The following CACNA1C variants were observed in gnomAD, a reference collection of about 807,000 sequenced individuals.
The protein encoded by CACNA1C is voltage-dependent L-type calcium channel subunit alpha-1C.
Under a neutral mutation model 229.0 loss-of-function variants are expected in CACNA1C, and 30 were observed. The observed-to-expected ratio is 0.13, with a 90% CI of 0.10 to 0.18. CACNA1C has a LOEUF of 0.18. CACNA1C is among the 10% of genes least tolerant of loss of function. The pLI, the probability that CACNA1C is intolerant of heterozygous loss-of-function variation, is 1.00. For synonymous variants in CACNA1C, 1,114 were observed against 1,132.5 expected (o/e 0.98, Z 0.33); for missense variants, 1,658 against 2,845.0 (o/e 0.58, Z 9.49).
chr12:2,566,672 A>T lies in CACNA1C; in HGVS notation c.1669+90A>T. ...GGGCATAACCACAGGCAGAAGGTGG[A>T]GGGGAAAGCAGCCAATGGTCGGGGC... On this transcript the variant is annotated intron_variant, in intron 12 of 46. Coordinates refer to ENST00000399655, the MANE Select transcript of CACNA1C (RefSeq NM_000719.7). The surrounding 1 kb of genome is among the most constrained non-coding windows in gnomAD (Gnocchi z 4.0). The T allele has an allele frequency of 8.9e-7, 1 of 1,128,442 alleles. No individual in the cohort carries two copies. The highest frequency in any genetic ancestry group is 1.3e-6 in the Non-Finnish European group (1 of 797,678). The allele number at this position is 1,128,442 out of a possible 1,614,324, so 69.9% of individuals were successfully genotyped here. A position where few individuals can be genotyped will look rare whatever the true frequency, so the allele number is the denominator to read the frequency against.
At chr12:1,984,677 G>A (rs1311694645) in intron 1 of CACNA1C, among the ~76,000 whole-genome samples, 2 of 140,376 alleles carry the variant, frequency 1.4e-5, no homozygotes, top group African/African-American at 5.3e-5. Context: ...TACTATTTCT[G>A]TTGTTCCTAC....
At chr12:2,031,133 AC>A (rs2048147395) in intron 1 of CACNA1C, among the ~76,000 whole-genome samples, 1 of 152,128 alleles carries the variant, frequency 6.6e-6, no homozygotes, top group Non-Finnish European at 1.5e-5. Flanking sequence ...TAGTAAAGGC[AC>A]CCAGAGACTT....
At chr12:2,218,889 G>A (rs2154347347) in intron 3 of CACNA1C, among the ~76,000 whole-genome samples, 1 of 152,232 alleles carries the variant, frequency 6.6e-6, no homozygotes, top group African/African-American at 2.4e-5. Context: ...CAGCCTGAGT[G>A]TCACTGTATG....
rs1060504924 is a variant in CACNA1C at position 2,115,408 on chromosome 12, C to T, written c.234C>T (p.Ser78=). The part of the protein sequence containing the change: ...AGNATISTVS[S]TQRKRQQYGK... ...ATGCGACCATCTCCACAGTCAGCTC[C>T]ACGCAGCGGAAGCGGCAGCAATATG... Residue 78 remains serine (S), a synonymous_variant, in exon 2 of 47, where the codon TCC becomes TCT. Coordinates refer to ENST00000399655, the MANE Select transcript of CACNA1C (RefSeq NM_000719.7). The T allele has an allele frequency of 1.9e-6, 3 of 1,612,310 alleles. No homozygotes were observed. Among genetic ancestry groups the T allele is most frequent in the Non-Finnish European group, 2.5e-6 (3 of 1,179,728 alleles).
intron 1 of CACNA1C, among the ~76,000 whole-genome samples, chr12:2,075,666 G>A (rs1286459887): frequency 6.6e-6 from 1 of 152,224 alleles, no homozygotes; most frequent in Non-Finnish European, 1.5e-5. Context: ...ACAAGCCTGT[G>A]GATACTGCCC....
chr12:2,310,927 G>A (rs1182863419), intron 3 of CACNA1C, among the ~76,000 whole-genome samples: 1 of 152,196 alleles, frequency 6.6e-6, no homozygotes, highest in Non-Finnish European at 1.5e-5. Flanking sequence ...CCTACGTTCA[G>A]CAGAACCCAG....
intron 3 of CACNA1C, among the ~76,000 whole-genome samples, chr12:2,364,743 C>G (rs2097678180): frequency 6.6e-6 from 1 of 152,086 alleles, no homozygotes; most frequent in African/African-American, 2.4e-5. Context: ...AAAGACCAGT[C>G]ATTTCGGGGC....
chr12:2,422,339 G>GTT (rs2098987640), intron 3 of CACNA1C, among the ~76,000 whole-genome samples: 1 of 152,178 alleles, frequency 6.6e-6, no homozygotes, highest in Non-Finnish European at 1.5e-5. Context: ...ACGGAGGGCA[G>GTT]AATCATTTCT....
chr12:2,543,074 T>C (rs2099875339), intron 9 of CACNA1C, among the ~76,000 whole-genome samples: 1 of 152,216 alleles, frequency 6.6e-6, no homozygotes, highest in African/African-American at 2.4e-5. Flanking sequence ...CCTCATTTTC[T>C]TGTGGAGTCT....
At chr12:2,615,697 A>C (rs1356375301) in intron 29 of CACNA1C, among the ~76,000 whole-genome samples, 1 of 152,190 alleles carries the variant, frequency 6.6e-6, no homozygotes, top group African/African-American at 2.4e-5. Flanking sequence ...AATGCACAGG[A>C]GCCTGGCGCG....
chr12:2,242,342 A>G (rs1272692943), intron 3 of CACNA1C, among the ~76,000 whole-genome samples: 1 of 152,200 alleles, frequency 6.6e-6, no homozygotes, highest in Non-Finnish European at 1.5e-5. Context: ...AATGAAAACT[A>G]GCTACTGACA....
At chr12:2,442,386 G>T (rs570190531) in intron 3 of CACNA1C, among the ~76,000 whole-genome samples, 1 of 152,192 alleles carries the variant, frequency 6.6e-6, no homozygotes, top group Non-Finnish European at 1.5e-5. Flanking sequence ...TCTAAGAAAT[G>T]AACAGGGAGA....
At chr12:2,277,856 C>T (rs1192264867) in intron 3 of CACNA1C, among the ~76,000 whole-genome samples, 1 of 152,212 alleles carries the variant, frequency 6.6e-6, no homozygotes, top group Non-Finnish European at 1.5e-5. Flanking sequence ...GGACCTGATT[C>T]TGTTACACTC....
At chr12:2,164,151 T>C (rs963367846) in intron 3 of CACNA1C, among the ~76,000 whole-genome samples, 1 of 152,204 alleles carries the variant, frequency 6.6e-6, no homozygotes, top group Admixed American at 6.5e-5. Context: ...TTGTTTGTCA[T>C]CCATGTTGGG....
intron 30 of CACNA1C, among the ~76,000 whole-genome samples, chr12:2,642,018 G>T (rs968752234): frequency 2.0e-5 from 3 of 152,116 alleles, no homozygotes; most frequent in Non-Finnish European, 2.9e-5. Flanking sequence ...GGGTTGAGGG[G>T]GTGCAGACAG....
Position 2,585,749 on chromosome 12 carries a change from A to G in CACNA1C, c.2461-86A>G, listed in dbSNP as rs920184191. On this transcript the variant is annotated intron_variant, in intron 17 of 46. Transcript: ENST00000399655. This position sits in a 1 kb window ranked among gnomAD's most constrained non-coding sequence, Gnocchi z 4.1. ...CTATTTTTGAGCTAAGTCACTGACT[A>G]AAATGCAACTTCAAGGCTACTGCAA... The G allele has an allele frequency of 1.8e-5, 19 of 1,068,206 alleles. No individual in the cohort carries two copies. In the Admixed American group the frequency reaches 2.2e-4, roughly 12 times the overall value. The allele number at this position is 1,068,206 out of a possible 1,614,324, so 66.2% of individuals were successfully genotyped here. A position where few individuals can be genotyped will look rare whatever the true frequency, so the allele number is the denominator to read the frequency against.
chr12:2,003,702 A>T (rs2042705647), intron 1 of CACNA1C, among the ~76,000 whole-genome samples: 1 of 152,226 alleles, frequency 6.6e-6, no homozygotes, highest in Non-Finnish European at 1.5e-5. Context: ...TCTTCCCAAG[A>T]GCATCAGCTT....
At position 1,984,778 on chromosome 12, in the gene CACNA1C, TAA is replaced by T. The variant is rs764705302; in HGVS notation, c.139+13599_139+13600del. ...ATTTATTCTACAGTGGGTCTTCTGG[TAA>T]AAAAAAAAAAAAAAAAAAAAAGGTT... On this transcript the variant is annotated intron_variant, in intron 1 of 46. Coordinates refer to the CACNA1C transcript ENST00000682462. Among the ~76,000 whole-genome samples, 34 of 81,334 alleles carry T rather than the reference TAA, an allele frequency of 4.2e-4. 1 individual carries two copies. The highest frequency in any genetic ancestry group is 4.7e-4 in the Non-Finnish European group (20 of 42,960). 53.4% of individuals were successfully genotyped at this position (81,334 alleles called of 152,430 possible).
At chr12:2,282,259 G>GA (rs1414491084) in intron 3 of CACNA1C, among the ~76,000 whole-genome samples, 5 of 152,194 alleles carry the variant, frequency 3.3e-5, no homozygotes, top group African/African-American at 1.2e-4. Flanking sequence ...TGACATTTTA[G>GA]AGGCTGGATT....
Sources: allele counts gnomAD v4.1 joint callset (sites outside exome capture counted in the v4.1 genomes callset), GRCh38; gene constraint gnomAD v4.1.1; non-coding constraint Gnocchi (gnomAD v3.1); transcripts MANE v1.5; gene names NCBI Gene and HGNC (gene_info 2026-07-23, HGNC 2026-07-21).